CBLB: variants seen among roughly 807,000 people sequenced by gnomAD.
The protein encoded by CBLB is E3 ubiquitin-protein ligase CBL-B.
Under a neutral mutation model 104.9 loss-of-function variants are expected in CBLB, and 31 were observed. The observed-to-expected ratio is 0.30, with a 90% CI of 0.22 to 0.40. The LOEUF (loss-of-function observed/expected upper bound fraction) is 0.40. CBLB is among the 10% of genes least tolerant of loss of function. The pLI is 1.00. For missense variants in CBLB, 1,062 were observed against 1,214.6 expected (o/e 0.87, Z 1.87); for synonymous variants, 440 against 422.6 (o/e 1.04, Z -0.51).
At position 105,712,139 on chromosome 3, in the gene CBLB, TG is replaced by T. The variant is rs2071206257; in HGVS notation, c.1407+7907del. Reference sequence around the variant, plus strand: ...GAAGTACCTTCTTATGAGAGGGACTTGATCTCCTGGCCTATGATCAGCCTCC... The same window carrying T: ...GAAGTACCTTCTTATGAGAGGGACTTATCTCCTGGCCTATGATCAGCCTCC... On this transcript the variant is annotated intron_variant, in intron 10 of 18. Coordinates refer to ENST00000394030, the MANE Select transcript of CBLB (RefSeq NM_170662.5). 2.0e-5 allele frequency among the ~76,000 whole-genome samples: 3 copies of T among 152,182 alleles called. No individual in the cohort carries two copies. In the South Asian group the frequency reaches 6.2e-4, roughly 32 times the overall value.
At chr3:105,666,981 C>G (rs1012671251) in intron 18 of CBLB, among the ~76,000 whole-genome samples, 3 of 152,118 alleles carry the variant, frequency 2.0e-5, no homozygotes, top group African/African-American at 4.8e-5. Context: ...GAAGTGAAGC[C>G]ACGATTTCCA....
chr3:105,832,045 T>G (rs1296309573), intron 3 of CBLB, among the ~76,000 whole-genome samples: 1 of 152,084 alleles, frequency 6.6e-6, no homozygotes, highest in Admixed American at 6.5e-5. Flanking sequence ...AATTTAATTA[T>G]ATTAAATAGA....
At chr3:105,854,440 T>C (rs1471720789) in intron 2 of CBLB, among the ~76,000 whole-genome samples, 1 of 152,204 alleles carries the variant, frequency 6.6e-6, no homozygotes, top group Non-Finnish European at 1.5e-5. Context: ...AGAAAGGGCA[T>C]AATCAACTCT....
At chr3:105,729,065 C>G (rs2074016200) in intron 9 of CBLB, among the ~76,000 whole-genome samples, 1 of 152,088 alleles carries the variant, frequency 6.6e-6, no homozygotes, top group East Asian at 1.9e-4. Context: ...TTTAATATTT[C>G]CTATTGGATT....
chr3:105,821,496 A>T (rs1404478651), intron 3 of CBLB, among the ~76,000 whole-genome samples: 6 of 152,318 alleles, frequency 3.9e-5, no homozygotes, highest in African/African-American at 1.4e-4. Context: ...CAGTAAGGGT[A>T]CAGGTTCACA....
intron 1 of CBLB, 69 bp from the exon 2 acceptor site, chr3:105,867,660 G>C (rs2092503359): frequency 5.1e-6 from 7 of 1,369,142 alleles, no homozygotes; most frequent in Non-Finnish European, 7.2e-6. Context: ...CAGAAAACTA[G>C]AGACTAACTT....
intron 3 of CBLB, among the ~76,000 whole-genome samples, chr3:105,802,717 C>CAAG (rs1266878576): frequency 6.6e-6 from 1 of 151,800 alleles, no homozygotes; most frequent in Non-Finnish European, 1.5e-5. Context: ...CTTCAGGATA[C>CAAG]AACTATTGAA....
intron 3 of CBLB, among the ~76,000 whole-genome samples, chr3:105,826,849 T>A (rs2086654079): frequency 6.6e-6 from 1 of 152,166 alleles, no homozygotes; most frequent in South Asian, 2.1e-4. Context: ...AAGGAAATGT[T>A]CCCTCAACTT....
At chr3:105,809,056 C>A (rs950536892) in intron 3 of CBLB, among the ~76,000 whole-genome samples, 1 of 151,548 alleles carries the variant, frequency 6.6e-6, no homozygotes, top group Non-Finnish European at 1.5e-5. Context: ...CCTGCACGCA[C>A]CCATCTGGGC....
rs1238947938 is a variant in CBLB at position 105,655,810 on chromosome 3, T to G, written c.*3160A>C. ...TTTATCCAAGTTAATTCAGTGCAAATCAAAGCTTCAAGTTGAAAATCTGAG... is the reference window on the plus strand; with the variant it reads ...TTTATCCAAGTTAATTCAGTGCAAAGCAAAGCTTCAAGTTGAAAATCTGAG... On this transcript the variant is annotated 3_prime_UTR_variant, in exon 19 of 19. Coordinates refer to ENST00000394030, the MANE Select transcript of CBLB (RefSeq NM_170662.5). The G allele has an allele frequency of 9.3e-6, 2 of 214,642 alleles. No individual in the cohort carries two copies. The allele number at this position is 214,642 out of a possible 1,614,324, so 13.3% of individuals were successfully genotyped here.
chr3:105,791,881 C>A (rs1158913572), intron 3 of CBLB, among the ~76,000 whole-genome samples: 1 of 152,100 alleles, frequency 6.6e-6, no homozygotes, highest in Non-Finnish European at 1.5e-5. Context: ...ATTTTTATCA[C>A]GTACATTCCA....
chr3:105,784,680 G>GT (rs1053726640), intron 3 of CBLB, among the ~76,000 whole-genome samples: 6 of 151,980 alleles, frequency 3.9e-5, no homozygotes, highest in South Asian at 2.1e-4. Flanking sequence ...TAATTGATCA[G>GT]TTTTTTTTCC....
chr3:105,715,720 G>A (rs2071755033), intron 10 of CBLB, among the ~76,000 whole-genome samples: 1 of 152,162 alleles, frequency 6.6e-6, no homozygotes, highest in African/African-American at 2.4e-5. Flanking sequence ...TTAACTGAGA[G>A]AATAAAATGT....
chr3:105,821,238 T>A (rs1266539297), intron 3 of CBLB, among the ~76,000 whole-genome samples: 1 of 147,754 alleles, frequency 6.8e-6, no homozygotes, highest in Non-Finnish European at 1.5e-5. Context: ...CCTGGTCCTT[T>A]AAAGATCAGA....
intron 4 of CBLB, among the ~76,000 whole-genome samples, chr3:105,758,725 C>A (rs377366289): frequency 3.3e-5 from 5 of 152,232 alleles, no homozygotes; most frequent in East Asian, 3.9e-4. Context: ...GCACAGGCAC[C>A]GGCTCTGGGC....
At chr3:105,719,921 A>T in intron 10 of CBLB, 126 bp downstream of exon 10, 3 of 747,214 alleles carry the variant, frequency 4.0e-6, no homozygotes, top group Non-Finnish European at 7.1e-6. Flanking sequence ...GTACAGGCCT[A>T]GGCTAGTATG....
At chr3:105,686,044 T>C (rs1467635553) in intron 13 of CBLB, among the ~76,000 whole-genome samples, 1 of 152,200 alleles carries the variant, frequency 6.6e-6, no homozygotes, top group East Asian at 1.9e-4. Flanking sequence ...AATGGAATGA[T>C]TAGATGTAGA....
At chr3:105,687,541 C>T (rs776609565) in intron 13 of CBLB, among the ~76,000 whole-genome samples, 1 of 151,902 alleles carries the variant, frequency 6.6e-6, no homozygotes, top group Non-Finnish European at 1.5e-5. Flanking sequence ...TCAACTTACA[C>T]AGATTTTAGA....
chr3:105,828,850 A>G (rs1343399179), intron 3 of CBLB, among the ~76,000 whole-genome samples: 1 of 152,200 alleles, frequency 6.6e-6, no homozygotes. Flanking sequence ...AGAAAGGTCA[A>G]AGGAAGTTTT....
Sources: gnomAD v4.1 joint callset for allele counts (sites outside exome capture counted in the v4.1 genomes callset) on GRCh38, gnomAD v4.1.1 for gene constraint, MANE v1.5 for transcripts, NCBI Gene and HGNC (gene_info 2026-07-23, HGNC 2026-07-21) for gene names.